The following CAMTA1 variants were observed in gnomAD, a reference collection of about 807,000 sequenced individuals.
CAMTA1 encodes the protein calmodulin binding transcription activator 1.
In CAMTA1, 27 loss-of-function variants were observed where a neutral mutation model predicts 170.9. The ratio of observed to expected loss-of-function variants is 0.16; its 90% CI spans 0.12 to 0.22. CAMTA1 has a LOEUF of 0.22. Among genes scored for constraint, CAMTA1 ranks in the 10% least tolerant of loss-of-function variants. The pLI, the probability that CAMTA1 is intolerant of heterozygous loss-of-function variation, is 1.00. For synonymous variants in CAMTA1, 833 were observed against 891.5 expected (o/e 0.93, Z 1.17); for missense variants, 1,619 against 2,217.2 (o/e 0.73, Z 5.42).
At chr1:7,568,672 T>C (rs1181786091) in intron 6 of CAMTA1, among the ~76,000 whole-genome samples, 1 of 143,224 alleles carries the variant, frequency 7.0e-6, no homozygotes, top group Non-Finnish European at 1.5e-5. Flanking sequence ...ATCATCATTG[T>C]CACCAAATCA....
intron 5 of CAMTA1, among the ~76,000 whole-genome samples, chr1:7,368,392 TG>T (rs1181909814): frequency 6.6e-6 from 1 of 151,790 alleles, no homozygotes; most frequent in Non-Finnish European, 1.5e-5. Flanking sequence ...GTGCAGGCCC[TG>T]GGCACTCATG....
intron 6 of CAMTA1, among the ~76,000 whole-genome samples, chr1:7,477,181 T>C (rs1414953904): frequency 6.6e-6 from 1 of 152,120 alleles, no homozygotes; most frequent in Non-Finnish European, 1.5e-5. Flanking sequence ...GGGCCAGGGA[T>C]AGAAACCCAG....
At chr1:7,414,390 GA>G (rs2091006863) in intron 5 of CAMTA1, among the ~76,000 whole-genome samples, 1 of 152,030 alleles carries the variant, frequency 6.6e-6, no homozygotes, top group South Asian at 2.1e-4. Flanking sequence ...TCTGGTCCTG[GA>G]CTCTTTTTGG....
intron 4 of CAMTA1, among the ~76,000 whole-genome samples, chr1:7,094,463 A>G (rs1641833358): frequency 6.6e-6 from 1 of 152,258 alleles, no homozygotes; most frequent in African/African-American, 2.4e-5. Flanking sequence ...ACTGACATTT[A>G]TAGAGTTTCC....
intron 10 of CAMTA1, 25 bp from the exon 11 acceptor site, chr1:7,677,574 C>A: frequency 1.2e-6 from 2 of 1,609,248 alleles, no homozygotes; most frequent in South Asian, 1.1e-5. Context: ...CATCCCTTGA[C>A]CTGGTCTTTT....
At chr1:7,621,681 AG>A (rs2095599493) in intron 6 of CAMTA1, among the ~76,000 whole-genome samples, 1 of 152,176 alleles carries the variant, frequency 6.6e-6, no homozygotes, top group Non-Finnish European at 1.5e-5. Context: ...AGTTATAACA[AG>A]GGGGCTGGTG....
At chr1:6,908,118 C>T (rs1306108613) in intron 3 of CAMTA1, among the ~76,000 whole-genome samples, 1 of 152,222 alleles carries the variant, frequency 6.6e-6, no homozygotes, top group East Asian at 1.9e-4. Context: ...CTTGAGAACC[C>T]CTTCTTTGCT....
In CAMTA1 at chr1:7,249,777, T is replaced by C; in HGVS notation, c.438+151T>C. The C allele has an allele frequency of 1.1e-6, 1 of 878,450 alleles. No individual in the cohort carries two copies. The allele number at this position is 878,450 out of a possible 1,614,324, so 54.4% of individuals were successfully genotyped here. Reference sequence around the variant, plus strand: ...CTGGTTTTTGCTTTTGTTTCGTTTTTCTACCTTCTTACCCTATAGTCTCCA... The same window carrying C: ...CTGGTTTTTGCTTTTGTTTCGTTTTCCTACCTTCTTACCCTATAGTCTCCA... On this transcript the variant is annotated intron_variant, in intron 5 of 22. Coordinates refer to ENST00000303635, the MANE Select transcript of CAMTA1 (RefSeq NM_015215.4). The surrounding 1 kb of genome is among the most constrained non-coding windows in gnomAD (Gnocchi z 4.4).
intron 6 of CAMTA1, among the ~76,000 whole-genome samples, chr1:7,594,504 G>C (rs998904125): frequency 6.6e-6 from 1 of 152,206 alleles, no homozygotes; most frequent in African/African-American, 2.4e-5. Context: ...GCAGTGACAT[G>C]ATCTGATTGA....
chr1:6,985,022 C>T (rs1164501019), intron 3 of CAMTA1, among the ~76,000 whole-genome samples: 1 of 152,222 alleles, frequency 6.6e-6, no homozygotes, highest in Non-Finnish European at 1.5e-5. Context: ...CCAGTTTTGG[C>T]TGAAGTTCTC....
At chr1:7,215,350 G>A (rs548024807) in intron 4 of CAMTA1, among the ~76,000 whole-genome samples, 3 of 152,090 alleles carry the variant, frequency 2.0e-5, no homozygotes, top group Non-Finnish European at 4.4e-5. Flanking sequence ...TATTCAGTCC[G>A]ACCACTGTTT....
chr1:7,219,210 G>A lies in CAMTA1; in HGVS notation c.303-30281G>A, dbSNP rs1448351224. 9 of 152,074 alleles carry A rather than the reference G, an allele frequency of 5.9e-5. No homozygotes were observed. In the East Asian group the frequency reaches 7.7e-4, roughly 13 times the overall value. 9.4% of individuals were successfully genotyped at this position (152,074 alleles called of 1,614,324 possible). A position where few individuals can be genotyped will look rare whatever the true frequency, so the allele number is the denominator to read the frequency against. On this transcript the variant is annotated intron_variant, in intron 4 of 22. Transcript: ENST00000303635. ...TCAGCCAAATACTGGCGTGTTTTCC[G>A]TTTCTGTGTTTACGGTTGGACTCAA...
intron 4 of CAMTA1, among the ~76,000 whole-genome samples, chr1:7,176,192 G>A (rs56101624): frequency 6.6e-6 from 1 of 152,206 alleles, no homozygotes; most frequent in South Asian, 2.1e-4. Flanking sequence ...GCTGCATTTT[G>A]TCAGATCAGA....
chr1:6,816,177 A>T (rs1645784477), intron 1 of CAMTA1, among the ~76,000 whole-genome samples: 1 of 152,184 alleles, frequency 6.6e-6, no homozygotes, highest in Non-Finnish European at 1.5e-5. Flanking sequence ...TCATGCTCTA[A>T]TCAAGTATTC....
At chr1:7,526,696 C>G (rs1484039902) in intron 6 of CAMTA1, among the ~76,000 whole-genome samples, 2 of 152,160 alleles carry the variant, frequency 1.3e-5, no homozygotes, top group Non-Finnish European at 2.9e-5. Flanking sequence ...CAGCCACTCA[C>G]TTGGAGAACA....
intron 6 of CAMTA1, among the ~76,000 whole-genome samples, chr1:7,506,842 C>A (rs950794084): frequency 3.3e-5 from 5 of 151,184 alleles, no homozygotes; most frequent in East Asian, 1.9e-4. Flanking sequence ...TGCTTACACT[C>A]AAAAATCACA....
At chr1:7,512,474 G>A (rs1452218380) in intron 6 of CAMTA1, among the ~76,000 whole-genome samples, 1 of 152,210 alleles carries the variant, frequency 6.6e-6, no homozygotes, top group African/African-American at 2.4e-5. Flanking sequence ...CGGCTGACAG[G>A]ACCGCATAGT....
In CAMTA1 at chr1:7,067,286, C is replaced by T. The variant is rs1018713950; in HGVS notation, c.235-24018C>T. ...GGCTGGGAAGTTCCTGTCCCTTGTA[C>T]TCAGGGTCTCTCTTCCCTGGACAGT... On this transcript the variant is annotated intron_variant, in intron 3 of 22. Coordinates refer to ENST00000303635, the MANE Select transcript of CAMTA1 (RefSeq NM_015215.4). The surrounding 1 kb of genome is among the most constrained non-coding windows in gnomAD (Gnocchi z 4.3). Among the ~76,000 whole-genome samples the T allele has an allele frequency of 7.9e-5, 12 of 152,324 alleles. No homozygotes were observed. Among genetic ancestry groups the T allele is most frequent in the Non-Finnish European group, 1.8e-4 (12 of 68,024 alleles).
At chr1:7,114,454 C>CA (rs1483559536) in intron 4 of CAMTA1, among the ~76,000 whole-genome samples, 4 of 147,472 alleles carry the variant, frequency 2.7e-5, no homozygotes, top group Non-Finnish European at 3.0e-5. Flanking sequence ...CCAGAAAAAA[C>CA]AAAAAAAAGA....
Sources: gnomAD v4.1 joint callset for allele counts (sites outside exome capture counted in the v4.1 genomes callset) on GRCh38, gnomAD v4.1.1 for gene constraint, Gnocchi (gnomAD v3.1) non-coding constraint, MANE v1.5 for transcripts, NCBI Gene and HGNC (gene_info 2026-07-23, HGNC 2026-07-21) for gene names.